Variants in UFC1 observed in about 807,000 individuals in gnomAD.
UFC1 encodes ubiquitin-fold modifier-conjugating enzyme 1.
UFC1 carries 22 observed loss-of-function variants against 28.0 expected under a neutral mutation model. That is an observed-to-expected ratio of 0.78 (90% CI 0.56 to 1.12). UFC1 has a LOEUF of 1.12. UFC1 is among the 50% of genes most tolerant of loss of function. The pLI, the probability that UFC1 is intolerant of heterozygous loss-of-function variation, is 0.00. For synonymous variants in UFC1, 61 were observed against 74.5 expected (o/e 0.82, Z 0.93); for missense variants, 189 against 207.8 (o/e 0.91, Z 0.56).
intron 1 of UFC1, among the ~76,000 whole-genome samples, chr1:161,154,696 G>T (rs1430673876): frequency 6.6e-6 from 1 of 152,114 alleles, no homozygotes; most frequent in Non-Finnish European, 1.5e-5. Flanking sequence ...TGTTGGCCAG[G>T]ATGGTCTCGA....
chr1:161,156,891 A>C (rs1557996108), intron 1 of UFC1, 59 bp from the exon 2 acceptor site: 2 of 1,390,816 alleles, frequency 1.4e-6, no homozygotes, highest in African/African-American at 2.9e-5. Context: ...TCTTTTGAGG[A>C]GAGGGGGACT....
rs12031437 is a variant in UFC1 at position 161,157,185 on chromosome 1, C to A, written c.192-69C>A. On this transcript the variant is annotated intron_variant, in intron 2 of 5. Coordinates refer to ENST00000368003, the MANE Select transcript of UFC1 (RefSeq NM_016406.4). ...CCTATGAGTCTCCCAGGCTGGTGGC[C>A]TAAGCCAAGATATCATTTGAGTACT... The A allele has an allele frequency of 1.7e-5, 28 of 1,603,176 alleles. No individual in the cohort carries two copies. The South Asian group carries it at 2.1e-4, about 12-fold the overall frequency.
intron 1 of UFC1, among the ~76,000 whole-genome samples, chr1:161,155,093 T>C (rs1657471908): frequency 6.6e-6 from 1 of 152,160 alleles, no homozygotes; most frequent in Non-Finnish European, 1.5e-5. Flanking sequence ...CAGATCATTA[T>C]AATACAGTGT....
chr1:161,157,385 C>T lies in UFC1; in HGVS notation c.255+68C>T, dbSNP rs1444509497. 3 of 1,583,582 alleles carry T rather than the reference C, an allele frequency of 1.9e-6. No homozygotes were observed. The African/African-American group carries it at 4.0e-5, about 21-fold the overall frequency. The stretch of plus-strand genomic sequence containing the variant: ...GAGGGATTAGATGATGGGTAACAAG[C>T]TATCCTTTCTTGAAGGGACCAAAGA... On this transcript the variant is annotated intron_variant, in intron 3 of 5. Transcript: ENST00000368003.
rs570717050 is a variant in UFC1, at chr1:161,154,490, T to TTTTG, written c.123+383_123+386dup. 5.6e-3 allele frequency among the ~76,000 whole-genome samples: 853 copies of TTTTG among 152,070 alleles called. 5 individuals carry two copies. Among genetic ancestry groups the TTTTG allele is most frequent in the Non-Finnish European group, 9.8e-3 (664 of 67,966 alleles). ...CTGCCCCCTTCTTCACTCTTCACTGTTTTGTTTGTTTGTTTGACGGAGTCT... is the reference window on the plus strand; with the variant it reads ...CTGCCCCCTTCTTCACTCTTCACTGTTTTGTTTGTTTGTTTGTTTGACGGAGTCT... On this transcript the variant is annotated intron_variant, in intron 1 of 5. Transcript: ENST00000368003.
chr1:161,157,754 G>A, intron 4 of UFC1, 61 bp downstream of exon 4: 12 of 1,397,112 alleles, frequency 8.6e-6, no homozygotes, highest in South Asian at 8.3e-5. Flanking sequence ...ACTTCGTGGC[G>A]GGAGGGAGAG....
At chr1:161,156,698 C>T (rs1017298385) in intron 1 of UFC1, among the ~76,000 whole-genome samples, 9 of 151,850 alleles carry the variant, frequency 5.9e-5, no homozygotes, top group African/African-American at 1.5e-4. Context: ...AAAAATTATC[C>T]GGGCATGGTG....
At chr1:161,156,330 AC>A (rs913348075) in intron 1 of UFC1, among the ~76,000 whole-genome samples, 79 of 151,604 alleles carry the variant, frequency 5.2e-4, no homozygotes, top group Non-Finnish European at 2.1e-4. Flanking sequence ...GGAGATCGAG[AC>A]CATCCTGGCT....
intron 1 of UFC1, 41 bp downstream of exon 1, chr1:161,154,161 T>G: frequency 1.9e-6 from 3 of 1,610,546 alleles, no homozygotes; most frequent in Non-Finnish European, 2.5e-6. Context: ...GCATAAGGGT[T>G]GGGAGAAATC....
chr1:161,156,866 A>T (rs1248376729), intron 1 of UFC1, 84 bp from the exon 2 acceptor site: 1 of 1,212,600 alleles, frequency 8.2e-7, no homozygotes, highest in South Asian at 1.4e-5. Context: ...AATAAAAAAA[A>T]TAACCACATA....
chr1:161,157,267 T>C lies in UFC1; in HGVS notation c.205T>C (p.Cys69Arg). Residue 69 changes from cysteine (C) to arginine (R), a missense_variant, in exon 3 of 6, where the codon TGC becomes CGC. Physicochemically the swap from Cys to Arg is radical, Grantham distance 180. Transcript: ENST00000368003. ...NKEGTRWFGKCWYIHDLLKYE... is the reference protein window; with the variant it reads ...NKEGTRWFGKRWYIHDLLKYE... ...TCTTTGTTACAGGTGGTTTGGAAAA[T>C]GCTGGTATATCCATGACCTCCTGAA... The C allele has an allele frequency of 6.2e-7, 1 of 1,614,196 alleles. No individual in the cohort carries two copies. Among genetic ancestry groups the C allele is most frequent in the Non-Finnish European group, 8.5e-7 (1 of 1,180,042 alleles).
At position 161,158,782 on chromosome 1, in the gene UFC1, G is replaced by T; in HGVS notation, c.*290G>T. The T allele has an allele frequency of 2.4e-6, 1 of 424,166 alleles. No individual in the cohort carries two copies. Among genetic ancestry groups the T allele is most frequent in the African/African-American group, 2.0e-5 (1 of 50,018 alleles). 26.3% of individuals were successfully genotyped at this position (424,166 alleles called of 1,614,324 possible). ...AACATGCGATTCTGGAGGCACGGGG[G>T]TAACTGAAAGTGAGTACATATAGTC... On this transcript the variant is annotated 3_prime_UTR_variant, in exon 6 of 6. Transcript: ENST00000368003.
At chr1:161,157,198 T>C in intron 2 of UFC1, 56 bp from the exon 3 acceptor site, 1 of 1,608,678 alleles carries the variant, frequency 6.2e-7, no homozygotes, top group South Asian at 1.1e-5. Context: ...AGCCAAGATA[T>C]CATTTGAGTA....
At chr1:161,154,245 T>C (rs1657444692) in intron 1 of UFC1, 125 bp downstream of exon 1, 1 of 1,465,272 alleles carries the variant, frequency 6.8e-7, no homozygotes, top group Admixed American at 2.0e-5. Context: ...TTCATAGAAA[T>C]GGGACTATTG....
At chr1:161,157,809 G>A (rs1657579051) in intron 4 of UFC1, 116 bp downstream of exon 4, 1 of 857,902 alleles carries the variant, frequency 1.2e-6, no homozygotes, top group Non-Finnish European at 1.9e-6. Flanking sequence ...ATGTCTGGGT[G>A]ATGGGATGAT....
Position 161,154,118 on chromosome 1 carries a change from C to G in UFC1, c.121C>G (p.Arg41Gly), listed in dbSNP as rs1278130513. 1.2e-6 allele frequency: 2 copies of G among 1,613,978 alleles called. No homozygotes were observed. Among genetic ancestry groups the G allele is most frequent in the Admixed American group, 3.3e-5 (2 of 59,988 alleles). Residue 41 changes from arginine (R) to glycine (G), a missense_variant and splice_region_variant, in exon 1 of 6, where the codon CGG becomes GGG. Transcript: ENST00000368003. ...GAAGGAGGAATATCAGTCCCTTATC[C>G]GGGTTAGTTGTGTTTCTACAGTCTA... ...RLKEEYQSLI[R>G]YVENNKNADN...
At chr1:161,156,232 C>T (rs1329457079) in intron 1 of UFC1, among the ~76,000 whole-genome samples, 2 of 152,036 alleles carry the variant, frequency 1.3e-5, no homozygotes, top group Non-Finnish European at 2.9e-5. Flanking sequence ...ATTAGGTAAA[C>T]ATATTAAGAA....
Position 161,153,981 on chromosome 1 carries a change from T to C in UFC1, c.-17T>C. 1 of 1,614,056 alleles carries C rather than the reference T, an allele frequency of 6.2e-7. No individual in the cohort carries two copies. The highest frequency in any genetic ancestry group is 8.5e-7 in the Non-Finnish European group (1 of 1,179,962). ...AGGCAACACCACTTCCGCGTTTCTC[T>C]TGCGCCCTGGTCCAAGATGGCGGAT... On this transcript the variant is annotated 5_prime_UTR_variant, in exon 1 of 6. Transcript: ENST00000368003.
rs368788708 is a variant in UFC1 at position 161,157,387 on chromosome 1, A to G, written c.255+70A>G. The stretch of plus-strand genomic sequence containing the variant: ...GGGATTAGATGATGGGTAACAAGCT[A>G]TCCTTTCTTGAAGGGACCAAAGAAA... On this transcript the variant is annotated intron_variant, in intron 3 of 5. Transcript: ENST00000368003. 26 of 1,585,622 alleles carry G rather than the reference A, an allele frequency of 1.6e-5. 1 individual carries two copies. In the South Asian group the frequency reaches 2.7e-4, roughly 16 times the overall value.
Sources: allele counts gnomAD v4.1 joint callset (sites outside exome capture counted in the v4.1 genomes callset), GRCh38; gene constraint gnomAD v4.1.1; transcripts MANE v1.5; gene names NCBI Gene and HGNC (gene_info 2026-07-23, HGNC 2026-07-21).